Variants in FGF12 observed in about 807,000 individuals in gnomAD.
FGF12 encodes fibroblast growth factor 12.
A neutral mutation model predicts 23.6 loss-of-function variants in FGF12; 14 were observed. The observed-to-expected ratio is 0.59, with a 90% CI of 0.39 to 0.93. FGF12 has a LOEUF of 0.93. Ranked by LOEUF, FGF12 falls within the 40% of genes least tolerant of loss-of-function variation. FGF12 has a pLI of 0.00. For synonymous variants in FGF12, 62 were observed against 77.3 expected (o/e 0.80, Z 1.04); for missense variants, 175 against 217.8 (o/e 0.80, Z 1.24).
At chr3:192,434,931 G>A (rs1395230365) in intron 2 of FGF12, among the ~76,000 whole-genome samples, 1 of 151,962 alleles carries the variant, frequency 6.6e-6, no homozygotes, top group Admixed American at 6.6e-5. Flanking sequence ...AGGTCTATGC[G>A]CATGTTTCTC....
chr3:192,504,487 A>G (rs1724234760), intron 2 of FGF12, among the ~76,000 whole-genome samples: 1 of 152,182 alleles, frequency 6.6e-6, no homozygotes, highest in Non-Finnish European at 1.5e-5. Flanking sequence ...TGGAAATAAG[A>G]GTCTTTACCC....
intron 2 of FGF12, among the ~76,000 whole-genome samples, chr3:192,490,570 CAT>C (rs1312216812): frequency 1.3e-5 from 2 of 151,486 alleles, no homozygotes; most frequent in East Asian, 1.9e-4. Flanking sequence ...TACACATATA[CAT>C]ATATATATAT....
intron 4 of FGF12, among the ~76,000 whole-genome samples, chr3:192,290,680 A>C (rs978488344): frequency 1.3e-5 from 2 of 152,214 alleles, no homozygotes; most frequent in African/African-American, 4.8e-5. Context: ...TTTCCAACAC[A>C]TCATGATACT....
intron 2 of FGF12, among the ~76,000 whole-genome samples, chr3:192,380,600 T>C (rs1035949414): frequency 3.9e-5 from 6 of 152,218 alleles, no homozygotes; most frequent in Non-Finnish European, 7.3e-5. Flanking sequence ...ATAGTGTTTA[T>C]GTACAGAAAT....
chr3:192,706,505 T>C (rs1040347742), intron 2 of FGF12, among the ~76,000 whole-genome samples: 1 of 152,028 alleles, frequency 6.6e-6, no homozygotes, highest in African/African-American at 2.4e-5. Flanking sequence ...TTCCTTTCTG[T>C]CCTCTCCAAT....
At chr3:192,236,341 TTAGA>T (rs1217831334) in intron 4 of FGF12, among the ~76,000 whole-genome samples, 6 of 152,218 alleles carry the variant, frequency 3.9e-5, no homozygotes, top group Non-Finnish European at 5.9e-5. Flanking sequence ...TCTGTTGTTG[TTAGA>T]TACAGTATTC....
intron 2 of FGF12, among the ~76,000 whole-genome samples, chr3:192,456,599 G>A (rs60101739): frequency 0.02 from 3,051 of 151,750 alleles, 91 homozygotes; most frequent in African/African-American, 0.07. Context: ...CTCCTAATAC[G>A]TATCCACAAA....
At chr3:192,353,973 C>A (rs796868256) in intron 3 of FGF12, among the ~76,000 whole-genome samples, 2 of 152,084 alleles carry the variant, frequency 1.3e-5, no homozygotes, top group African/African-American at 2.4e-5. Context: ...CTCAGCTAAC[C>A]ATTTGGATCA....
At chr3:192,182,046 A>G (rs1450931591) in intron 4 of FGF12, among the ~76,000 whole-genome samples, 1 of 152,200 alleles carries the variant, frequency 6.6e-6, no homozygotes, top group Non-Finnish European at 1.5e-5. Context: ...ATAAAAATTT[A>G]AGAACTGAAA....
chr3:192,395,164 G>A (rs550006020), intron 2 of FGF12, among the ~76,000 whole-genome samples: 1 of 152,314 alleles, frequency 6.6e-6, no homozygotes, highest in South Asian at 2.1e-4. Context: ...GGTTTCTGGG[G>A]CAAAGACATA....
At chr3:192,682,664 C>T (rs1347741319) in intron 2 of FGF12, among the ~76,000 whole-genome samples, 1 of 152,094 alleles carries the variant, frequency 6.6e-6, no homozygotes, top group African/African-American at 2.4e-5. Context: ...TTGAAATTTC[C>T]CAAATCATCA....
intron 4 of FGF12, among the ~76,000 whole-genome samples, chr3:192,246,965 G>A (rs981880014): frequency 6.7e-6 from 1 of 148,598 alleles, no homozygotes; most frequent in Non-Finnish European, 1.5e-5. Context: ...GGAAAGAGAG[G>A]GAGGGAGAAA....
intron 2 of FGF12, among the ~76,000 whole-genome samples, chr3:192,415,318 A>C (rs1426986380): frequency 6.6e-6 from 1 of 152,104 alleles, no homozygotes; most frequent in African/African-American, 2.4e-5. Context: ...TCCCTATTTG[A>C]ATGTAATACC....
At chr3:192,295,402 C>A (rs904528943) in intron 4 of FGF12, among the ~76,000 whole-genome samples, 3 of 152,230 alleles carry the variant, frequency 2.0e-5, no homozygotes, top group Non-Finnish European at 4.4e-5. Context: ...CCTCACCTAA[C>A]TAGAGTCATT....
chr3:192,238,942 G>A (rs1275122052), intron 4 of FGF12, among the ~76,000 whole-genome samples: 3 of 152,158 alleles, frequency 2.0e-5, no homozygotes, highest in African/African-American at 7.2e-5. Flanking sequence ...GATGGGAAGT[G>A]CATTTTCCAC....
intron 2 of FGF12, among the ~76,000 whole-genome samples, chr3:192,361,588 C>T (rs1382700875): frequency 6.6e-6 from 1 of 152,176 alleles, no homozygotes; most frequent in Non-Finnish European, 1.5e-5. Flanking sequence ...TCAACTTCAT[C>T]CTTCATCCAT....
At position 192,425,410 on chromosome 3, in the gene FGF12, TA is replaced by T. The variant is rs545691994; in HGVS notation, c.14-64873del. Among the ~76,000 whole-genome samples, 23 of 152,212 alleles carry T rather than the reference TA, an allele frequency of 1.5e-4. No homozygotes were observed. The South Asian group carries it at 4.8e-3, about 32-fold the overall frequency. On this transcript the variant is annotated intron_variant, in intron 2 of 5. Transcript: ENST00000445105. ...AAAGTGGGATGCAGTCTCCCAGGAA[TA>T]AGTCTGAGAAAGGCCTTCTAAACAG...
intron 4 of FGF12, among the ~76,000 whole-genome samples, chr3:192,324,857 C>T (rs1377620083): frequency 6.6e-6 from 1 of 152,124 alleles, no homozygotes; most frequent in Non-Finnish European, 1.5e-5. Context: ...TAGTGCTGCT[C>T]TCAAAAGCTG....
At chr3:192,508,434 T>C (rs565503879) in intron 2 of FGF12, among the ~76,000 whole-genome samples, 2 of 152,266 alleles carry the variant, frequency 1.3e-5, no homozygotes, top group Non-Finnish European at 2.9e-5. Context: ...TGTTTTAAGA[T>C]ACTCCATAGA....
Sources: allele counts gnomAD v4.1 joint callset (sites outside exome capture counted in the v4.1 genomes callset), GRCh38; gene constraint gnomAD v4.1.1; transcripts MANE v1.5; gene names NCBI Gene and HGNC (gene_info 2026-07-23, HGNC 2026-07-21).